Variants in MEI4 observed in about 807,000 individuals in gnomAD.
MEI4 encodes meiotic double-stranded break formation protein 4.
Under a neutral mutation model 31.4 loss-of-function variants are expected in MEI4, and 27 were observed. That is an observed-to-expected ratio of 0.86 (90% CI 0.63 to 1.19). MEI4 has a LOEUF of 1.19. Ranked by LOEUF, MEI4 falls within the 50% of genes most tolerant of loss-of-function variation. The pLI is 0.00. For synonymous variants in MEI4, 122 were observed against 145.4 expected, an observed-to-expected ratio of 0.84 and a Z score of 1.16; for missense variants, 329 against 398.9, an observed-to-expected ratio of 0.82 and a Z score of 1.49.
chr6:77,803,860 T>C (rs959488486), intron 3 of MEI4, among the ~76,000 whole-genome samples: 1 of 152,114 alleles, frequency 6.6e-6, no homozygotes, highest in African/African-American at 2.4e-5. Context: ...TACCCAGCCA[T>C]GTGAGTTGTC....
intron 1 of MEI4, among the ~76,000 whole-genome samples, chr6:77,670,310 G>A (rs1281116832): frequency 6.6e-6 from 1 of 151,496 alleles, no homozygotes; most frequent in Non-Finnish European, 1.5e-5. Flanking sequence ...CACTATTATT[G>A]TCACTCTTTC....
chr6:77,710,539 A>AAAG (rs1554152925), intron 2 of MEI4, among the ~76,000 whole-genome samples: 10,077 of 117,726 alleles, frequency 0.086, 267 homozygotes, highest in Middle Eastern at 0.15. Flanking sequence ...AAAAAAAAAA[A>AAAG]AAAGAAAAGG....
At chr6:77,835,174 G>A (rs1301821511) in intron 4 of MEI4, among the ~76,000 whole-genome samples, 1 of 149,672 alleles carries the variant, frequency 6.7e-6, no homozygotes, top group Non-Finnish European at 1.5e-5. Flanking sequence ...AGAAAAATGG[G>A]CTTAAGGATA....
chr6:77,741,857 A>C (rs922904300), intron 2 of MEI4, among the ~76,000 whole-genome samples: 1 of 143,692 alleles, frequency 7.0e-6, no homozygotes, highest in African/African-American at 2.6e-5. Context: ...CCTATGAGTG[A>C]GAACATGCGG....
intron 2 of MEI4, among the ~76,000 whole-genome samples, chr6:77,728,161 T>C (rs1182136481): frequency 6.6e-6 from 1 of 152,172 alleles, no homozygotes; most frequent in African/African-American, 2.4e-5. Flanking sequence ...GGTTGGATGA[T>C]TATATAGGTA....
intron 1 of MEI4, among the ~76,000 whole-genome samples, chr6:77,655,566 T>C (rs1288935270): frequency 6.6e-6 from 1 of 152,218 alleles, no homozygotes; most frequent in Admixed American, 6.5e-5. Context: ...ATCAGACTTA[T>C]ATATATTTCA....
intron 2 of MEI4, among the ~76,000 whole-genome samples, chr6:77,742,254 C>G (rs1029801054): frequency 4.0e-4 from 61 of 151,350 alleles, no homozygotes; most frequent in African/African-American, 1.4e-3. Context: ...CAAAGTGTTC[C>G]TATTTCTCCA....
intron 1 of MEI4, among the ~76,000 whole-genome samples, chr6:77,686,285 A>T: frequency 6.6e-6 from 1 of 152,168 alleles, no homozygotes; most frequent in East Asian, 1.9e-4. Flanking sequence ...AGAAAAGTAT[A>T]AGTAAGAAAA....
chr6:77,773,300 T>TCATCAAAATAGTGTTGTA (rs1423929493), intron 3 of MEI4, among the ~76,000 whole-genome samples: 67 of 152,030 alleles, frequency 4.4e-4, no homozygotes, highest in African/African-American at 1.5e-3. Flanking sequence ...AGAGCTGTAG[T>TCATCAAAATAGTGTTGTA]CATCAAAATA....
At chr6:77,901,077 G>GTA (rs758823937) in intron 4 of MEI4, among the ~76,000 whole-genome samples, 26 of 151,440 alleles carry the variant, frequency 1.7e-4, no homozygotes, top group Non-Finnish European at 2.7e-4. Flanking sequence ...ATAGTTCATT[G>GTA]TATATATATA....
At chr6:77,802,953 G>T (rs1391388279) in intron 3 of MEI4, among the ~76,000 whole-genome samples, 3 of 152,010 alleles carry the variant, frequency 2.0e-5, no homozygotes, top group Non-Finnish European at 4.4e-5. Flanking sequence ...ATGTGTCTTG[G>T]AGTTGCTCTT....
At chr6:77,697,743 G>C (rs547827382) in intron 2 of MEI4, among the ~76,000 whole-genome samples, 1 of 151,804 alleles carries the variant, frequency 6.6e-6, no homozygotes, top group South Asian at 2.1e-4. Flanking sequence ...TATATATTCT[G>C]TTGATTTGGG....
chr6:77,811,515 A>G (rs1198510125), intron 3 of MEI4, among the ~76,000 whole-genome samples: 2 of 152,144 alleles, frequency 1.3e-5, no homozygotes, highest in Non-Finnish European at 2.9e-5. Context: ...ATGTATTTTA[A>G]CATTTTGATG....
intron 2 of MEI4, among the ~76,000 whole-genome samples, chr6:77,751,306 C>A (rs1296921243): frequency 4.6e-4 from 69 of 151,014 alleles, no homozygotes; most frequent in Admixed American, 4.4e-3. Context: ...CAAAAAAAAA[C>A]CCTTGAAAAA....
intron 3 of MEI4, among the ~76,000 whole-genome samples, chr6:77,808,075 TGG>T (rs1769484167): frequency 6.6e-6 from 1 of 152,182 alleles, no homozygotes. Flanking sequence ...TGTGATTGCC[TGG>T]GCCAGTTCTG....
chr6:77,841,280 C>G (rs1007441305), intron 4 of MEI4, among the ~76,000 whole-genome samples: 2 of 134,124 alleles, frequency 1.5e-5, no homozygotes, highest in South Asian at 4.6e-4. Flanking sequence ...AAAATGTTAA[C>G]TCTAAATATA....
intron 1 of MEI4, among the ~76,000 whole-genome samples, chr6:77,682,456 T>G (rs2127649613): frequency 6.6e-6 from 1 of 152,344 alleles, no homozygotes; most frequent in South Asian, 2.1e-4. Context: ...GGGCATAGTT[T>G]GGAGAGAGTA....
intron 2 of MEI4, among the ~76,000 whole-genome samples, 174 bp downstream of exon 2, chr6:77,691,077 A>G (rs915853911): frequency 3.9e-5 from 6 of 152,004 alleles, no homozygotes; most frequent in African/African-American, 1.4e-4. Context: ...TTTTATTGTC[A>G]CTTTCCTACA....
At chr6:77,700,472 G>A (rs1240228646) in intron 2 of MEI4, among the ~76,000 whole-genome samples, 2 of 152,174 alleles carry the variant, frequency 1.3e-5, no homozygotes, top group Non-Finnish European at 2.9e-5. Flanking sequence ...GGAGTGACCC[G>A]ATTTTCCAGG....
Sources: gnomAD v4.1 joint callset for allele counts (sites outside exome capture counted in the v4.1 genomes callset) on GRCh38, gnomAD v4.1.1 for gene constraint, MANE v1.5 for transcripts, NCBI Gene and HGNC (gene_info 2026-07-23, HGNC 2026-07-21) for gene names.